The following TMEM244 variants were observed in gnomAD, a reference collection of about 807,000 sequenced individuals.
TMEM244 encodes the protein transmembrane protein 244.
A neutral mutation model predicts 15.8 loss-of-function variants in TMEM244; 13 were observed. The observed-to-expected ratio is 0.82, with a 90% CI of 0.53 to 1.30. The LOEUF (loss-of-function observed/expected upper bound fraction) is 1.30, where lower values mean the gene tolerates loss of function less well. Ranked by LOEUF, TMEM244 falls within the 50% of genes most tolerant of loss-of-function variation. The pLI is 0.00. For missense variants in TMEM244, 161 were observed against 144.9 expected (o/e 1.11, Z -0.57); for synonymous variants, 45 against 48.7 (o/e 0.92, Z 0.32).
chr6:129,833,898 T>C (rs1399433580), intron 3 of TMEM244, among the ~76,000 whole-genome samples: 1 of 152,218 alleles, frequency 6.6e-6, no homozygotes, highest in Non-Finnish European at 1.5e-5. Flanking sequence ...TGTAATTGGA[T>C]TGCAAATCTC....
chr6:129,847,202 C>T (rs1254549328), intron 1 of TMEM244, among the ~76,000 whole-genome samples: 1 of 152,032 alleles, frequency 6.6e-6, no homozygotes, highest in Non-Finnish European at 1.5e-5. Flanking sequence ...AAAAAATGTG[C>T]CACACTTCAC....
intron 3 of TMEM244, among the ~76,000 whole-genome samples, chr6:129,834,631 TCA>T (rs1776378117): frequency 6.6e-6 from 1 of 152,224 alleles, no homozygotes; most frequent in South Asian, 2.1e-4. Flanking sequence ...TTTAAAGGCC[TCA>T]CACATATTCC....
intron 1 of TMEM244, among the ~76,000 whole-genome samples, chr6:129,858,634 T>C (rs73778849): frequency 5.3e-4 from 81 of 152,246 alleles, no homozygotes; most frequent in African/African-American, 1.9e-3. Flanking sequence ...CATTTCTTTC[T>C]CCAGTCTCTA....
chr6:129,853,621 A>G (rs74683454), intron 1 of TMEM244, among the ~76,000 whole-genome samples: 1,941 of 152,230 alleles, frequency 0.013, 48 homozygotes, highest in African/African-American at 0.041. Context: ...TGATCAAAAT[A>G]TTTTGATACC....
At chr6:129,837,470 A>G (rs117187844) in intron 3 of TMEM244, among the ~76,000 whole-genome samples, 3,036 of 152,364 alleles carry the variant, frequency 0.02, 46 homozygotes, top group Non-Finnish European at 0.028. Flanking sequence ...CTGCAAAAAC[A>G]TGCCAAATGG....
chr6:129,856,099 A>C (rs1296701479), intron 1 of TMEM244, among the ~76,000 whole-genome samples: 1 of 151,852 alleles, frequency 6.6e-6, no homozygotes, highest in Non-Finnish European at 1.5e-5. Context: ...ATTTTTTATA[A>C]CCTATGGTCT....
chr6:129,846,306 T>C (rs1776560231), intron 1 of TMEM244, among the ~76,000 whole-genome samples: 1 of 152,224 alleles, frequency 6.6e-6, no homozygotes, highest in Admixed American at 6.5e-5. Context: ...TTTCCTTGTA[T>C]AATCCAAACA....
At chr6:129,859,173 G>T (rs1584194724) in intron 1 of TMEM244, among the ~76,000 whole-genome samples, 1 of 152,188 alleles carries the variant, frequency 6.6e-6, no homozygotes, top group Non-Finnish European at 1.5e-5. Context: ...TCACTGACAA[G>T]TGTGTGACAT....
intron 1 of TMEM244, among the ~76,000 whole-genome samples, chr6:129,859,304 A>G (rs1776767185): frequency 6.6e-6 from 1 of 152,208 alleles, no homozygotes; most frequent in Admixed American, 6.5e-5. Flanking sequence ...AATAGATAAT[A>G]CTTTCTCTCT....
chr6:129,841,314 A>G (rs956203617), intron 3 of TMEM244, among the ~76,000 whole-genome samples: 2 of 151,958 alleles, frequency 1.3e-5, no homozygotes, highest in African/African-American at 4.8e-5. Context: ...TAAGCAAACT[A>G]TCACAAGAAC....
intron 3 of TMEM244, among the ~76,000 whole-genome samples, chr6:129,841,008 C>T (rs1776481633): frequency 6.6e-6 from 1 of 152,198 alleles, no homozygotes; most frequent in East Asian, 1.9e-4. Context: ...TTGCGGAAGA[C>T]TGTGTGGCGA....
chr6:129,842,971 T>C (rs1158629443), intron 3 of TMEM244, among the ~76,000 whole-genome samples: 2 of 151,692 alleles, frequency 1.3e-5, no homozygotes, highest in African/African-American at 4.8e-5. Flanking sequence ...TCTTATTGTT[T>C]TTCTTCTGCA....
chr6:129,842,524 C>T (rs1315742466), intron 3 of TMEM244, among the ~76,000 whole-genome samples: 1 of 152,074 alleles, frequency 6.6e-6, no homozygotes, highest in African/African-American at 2.4e-5. Flanking sequence ...AATCCTGTTT[C>T]ATTGGCCTCC....
chr6:129,857,571 G>C (rs960133037), intron 1 of TMEM244, among the ~76,000 whole-genome samples: 2 of 151,978 alleles, frequency 1.3e-5, no homozygotes, highest in African/African-American at 4.8e-5. Context: ...TGTTGGCCAG[G>C]CTGTTCTGGA....
rs140214052 is a variant in TMEM244 at position 129,847,650 on chromosome 6, C to T, written c.34-1798G>A. 4.6e-3 allele frequency among the ~76,000 whole-genome samples: 701 copies of T among 152,266 alleles called. 5 individuals are homozygous for T. The highest frequency in any genetic ancestry group is 0.016 in the African/African-American group (667 of 41,562). On this transcript the variant is annotated intron_variant, in intron 1 of 4. Coordinates refer to ENST00000368143, the MANE Select transcript of TMEM244 (RefSeq NM_001010876.2). ...TCCCTTGCTCCCACACCATCCTCAA[C>T]ACCCTCTACTCTTTGCCTATGTCCA... is the stretch of plus-strand genomic sequence containing the variant.
chr6:129,841,885 ATAT>A (rs1360890985), intron 3 of TMEM244, among the ~76,000 whole-genome samples: 2 of 152,156 alleles, frequency 1.3e-5, no homozygotes, highest in Non-Finnish European at 2.9e-5. Flanking sequence ...GGTTACTCTT[ATAT>A]TTTATTAATA....
chr6:129,858,005 A>G (rs536084888), intron 1 of TMEM244, among the ~76,000 whole-genome samples: 1 of 152,168 alleles, frequency 6.6e-6, no homozygotes, highest in South Asian at 2.1e-4. Flanking sequence ...TTTTCTGCTT[A>G]GATATATGAA....
rs17396809 is a variant in TMEM244, at chr6:129,845,763, T to G, written c.119+4A>C. 0.11 allele frequency: 171,992 copies of G among 1,598,644 alleles called. 10,193 individuals carry two copies. The highest frequency in any genetic ancestry group is 0.14 in the Middle Eastern group (837 of 6,022). On this transcript the variant is annotated splice_donor_region_variant and intron_variant, in intron 2 of 4. Transcript: ENST00000368143. Reference sequence around the variant, plus strand: ...ATTCTATTTGAAGACAATGTGCTACTTACTCAAACATCACGCAGCCCATGC... The same window carrying G: ...ATTCTATTTGAAGACAATGTGCTACGTACTCAAACATCACGCAGCCCATGC...
chr6:129,848,418 A>G (rs1020593621), intron 1 of TMEM244, among the ~76,000 whole-genome samples: 2 of 152,200 alleles, frequency 1.3e-5, no homozygotes, highest in African/African-American at 4.8e-5. Context: ...GGTTTATGAC[A>G]TCATGACTGC....
Sources: gnomAD v4.1 joint callset for allele counts (sites outside exome capture counted in the v4.1 genomes callset) on GRCh38, gnomAD v4.1.1 for gene constraint, MANE v1.5 for transcripts, NCBI Gene and HGNC (gene_info 2026-07-23, HGNC 2026-07-21) for gene names.